Variants in FHAD1 observed in about 807,000 individuals in gnomAD.
The protein encoded by FHAD1 is forkhead associated phosphopeptide binding domain 1, also known as forkhead-associated domain-containing protein 1.
Under a neutral mutation model 191.3 loss-of-function variants are expected in FHAD1, and 146 were observed. The observed-to-expected ratio is 0.76, with a 90% CI of 0.67 to 0.88. FHAD1 has a LOEUF of 0.88. Among genes scored for constraint, FHAD1 ranks in the 40% least tolerant of loss-of-function variants. The pLI is 0.00. For missense variants in FHAD1, 1,635 were observed against 1,785.8 expected, an observed-to-expected ratio of 0.92 and a Z score of 1.52; for synonymous variants, 616 against 672.3, an observed-to-expected ratio of 0.92 and a Z score of 1.29.
At position 15,397,300 on chromosome 1, in the gene FHAD1, G is replaced by A; in HGVS notation, c.4327G>A (p.Gly1443Arg). The change falls in exon 34 of 34, where the codon GGA becomes AGA. Residue 1443 changes from glycine to arginine, a missense_variant. Transcript: ENST00000688493. ...TTTTTTCTCTTGCTTGTTAAAGGTT[G>A]GAACCAGAAAAGCCTCCCTAAAGAT... ...NRMQNSNSQVGTRKASLKMDQ... is the reference protein window; with the variant it reads ...NRMQNSNSQVRTRKASLKMDQ... 2 of 1,504,740 alleles carry A rather than the reference G, an allele frequency of 1.3e-6. No individual in the cohort carries two copies. The highest frequency in any genetic ancestry group is 1.8e-6 in the Non-Finnish European group (2 of 1,111,870). The allele number at this position is 1,504,740 out of a possible 1,614,324, so 93.2% of individuals were successfully genotyped here. A position where few individuals can be genotyped will look rare whatever the true frequency, so the allele number is the denominator to read the frequency against.
chr1:15,339,153 A>G (rs1426758223), intron 14 of FHAD1, among the ~76,000 whole-genome samples: 2 of 152,134 alleles, frequency 1.3e-5, no homozygotes, highest in East Asian at 3.8e-4. Context: ...AGTAGCTGGA[A>G]TTACAAACAT....
At chr1:15,392,531 G>GA (rs58747583) in intron 33 of FHAD1, among the ~76,000 whole-genome samples, 36 of 145,118 alleles carry the variant, frequency 2.5e-4, no homozygotes, top group Non-Finnish European at 2.6e-4. Context: ...ACTCCGTCTC[G>GA]AAAAAAAAAA....
At chr1:15,390,408 G>A (rs1433230324) in intron 32 of FHAD1, among the ~76,000 whole-genome samples, 4 of 150,704 alleles carry the variant, frequency 2.7e-5, no homozygotes, top group Non-Finnish European at 5.9e-5. Flanking sequence ...GCTTCTTTGG[G>A]AAACTTGGAT....
At chr1:15,390,075 G>A (rs1344978563) in intron 32 of FHAD1, among the ~76,000 whole-genome samples, 3 of 152,148 alleles carry the variant, frequency 2.0e-5, no homozygotes, top group African/African-American at 4.8e-5. Context: ...GCAGGGCATG[G>A]TGGCTCACGC....
In FHAD1 at chr1:15,316,072, C is replaced by T. The variant is rs1406430566; in HGVS notation, c.1171-306C>T. Among the ~76,000 whole-genome samples, 1 of 152,244 alleles carries T rather than the reference C, an allele frequency of 6.6e-6. No homozygotes were observed. The highest frequency in any genetic ancestry group is 6.5e-5 in the Admixed American group (1 of 15,292). Reference sequence around the variant, plus strand: ...TCGCTAGTGGCCCTCCAAGGACATCCGTGTTTATTCCTCAGCACAGACTCT... The same window carrying T: ...TCGCTAGTGGCCCTCCAAGGACATCTGTGTTTATTCCTCAGCACAGACTCT... On this transcript the variant is annotated intron_variant, in intron 8 of 33. Transcript: ENST00000688493. The surrounding 1 kb of genome is among the most constrained non-coding windows in gnomAD (Gnocchi z 4.3).
Position 15,397,441 on chromosome 1 carries a change from TG to T in FHAD1, c.*29del. 8.7e-7 allele frequency: 1 copy of T among 1,145,716 alleles called. No individual in the cohort carries two copies. The highest frequency in any genetic ancestry group is 1.2e-6 in the Non-Finnish European group (1 of 805,050). The allele number at this position is 1,145,716 out of a possible 1,614,324, so 71.0% of individuals were successfully genotyped here. A position where few individuals can be genotyped will look rare whatever the true frequency, so the allele number is the denominator to read the frequency against. On this transcript the variant is annotated 3_prime_UTR_variant, in exon 34 of 34. Transcript: ENST00000688493. ...AAACCTCGTCCCACCAGGCCTCATG[TG>T]ATCCTCTGTGAGTTCATGTGACTCT... is the stretch of plus-strand genomic sequence containing the variant.
In FHAD1 at chr1:15,301,557, G is replaced by A. The variant is rs953869823; in HGVS notation, c.915+116G>A. ...GGGAACGCGTGGTCAGTGGAGCATG[G>A]TGGTTAAGAACACAAATCCACAAGA... On this transcript the variant is annotated intron_variant, in intron 6 of 33. Transcript: ENST00000688493. The A allele has an allele frequency of 2.3e-5, 18 of 786,398 alleles. No homozygotes were observed. In the African/African-American group the frequency reaches 3.0e-4, roughly 13 times the overall value. 48.7% of individuals were successfully genotyped at this position (786,398 alleles called of 1,614,324 possible).
intron 7 of FHAD1, among the ~76,000 whole-genome samples, chr1:15,309,065 A>G (rs2101063364): frequency 6.6e-6 from 1 of 152,372 alleles, no homozygotes; most frequent in East Asian, 1.9e-4. Flanking sequence ...AGGCAGTCCC[A>G]TGAGCCAGTT....
At chr1:15,355,560 C>T (rs1692436064) in intron 20 of FHAD1, among the ~76,000 whole-genome samples, 1 of 152,216 alleles carries the variant, frequency 6.6e-6, no homozygotes, top group Non-Finnish European at 1.5e-5. Context: ...GCATGGTCTA[C>T]TCGTAAGCAG....
In FHAD1 at chr1:15,366,605, G is replaced by A. The variant is rs181499414; in HGVS notation, c.3154+672G>A. On this transcript the variant is annotated intron_variant, in intron 24 of 33. Transcript: ENST00000688493. Reference sequence around the variant, plus strand: ...CAGCAGGCCAGTTTGCACAAGCCCCGGCACTCACTAGCTTTGGGACCTAGG... The same window carrying A: ...CAGCAGGCCAGTTTGCACAAGCCCCAGCACTCACTAGCTTTGGGACCTAGG... Among the ~76,000 whole-genome samples the A allele has an allele frequency of 2.4e-4, 37 of 152,314 alleles. 1 individual carries two copies. Among genetic ancestry groups the A allele is most frequent in the Admixed American group, 1.4e-3 (21 of 15,302 alleles).
At chr1:15,379,186 A>T (rs1387157556) in intron 28 of FHAD1, among the ~76,000 whole-genome samples, 5 of 152,218 alleles carry the variant, frequency 3.3e-5, no homozygotes, top group African/African-American at 1.2e-4. Flanking sequence ...TTCCCTTAGT[A>T]TTTATTGATC....
chr1:15,279,944 C>G (rs1030133499), intron 3 of FHAD1, among the ~76,000 whole-genome samples: 3 of 152,136 alleles, frequency 2.0e-5, no homozygotes, highest in Non-Finnish European at 2.9e-5. Context: ...GCTGAGCCTC[C>G]GTAATGAGAT....
intron 10 of FHAD1, among the ~76,000 whole-genome samples, chr1:15,323,813 C>T (rs936290300): frequency 1.1e-4 from 16 of 152,326 alleles, no homozygotes; most frequent in South Asian, 4.1e-4. Flanking sequence ...CCACTTTAAA[C>T]GCCTTCTTTT....
chr1:15,271,073 A>G (rs190375676), intron 2 of FHAD1, among the ~76,000 whole-genome samples: 1 of 145,524 alleles, frequency 6.9e-6, no homozygotes, highest in East Asian at 2.2e-4. Context: ...CGGGAGGCAG[A>G]GCTTGCAGTG....
chr1:15,267,407 A>G lies in FHAD1; in HGVS notation c.94-4916A>G, dbSNP rs1164794328. On this transcript the variant is annotated intron_variant, in intron 2 of 33. Coordinates refer to ENST00000688493, the MANE Select transcript of FHAD1 (RefSeq NM_001391957.1). ...ATGTATATGGGAGATATTGGCTTCTAGTTTTCCTTTCTTGTAATGTCTTTA... is the reference window on the plus strand; with the variant it reads ...ATGTATATGGGAGATATTGGCTTCTGGTTTTCCTTTCTTGTAATGTCTTTA... Among the ~76,000 whole-genome samples, 3 of 152,166 alleles carry G rather than the reference A, an allele frequency of 2.0e-5. No individual in the cohort carries two copies. In the East Asian group the frequency reaches 5.8e-4, roughly 29 times the overall value.
intron 22 of FHAD1, among the ~76,000 whole-genome samples, chr1:15,361,420 T>G (rs1406390123): frequency 6.6e-6 from 1 of 151,948 alleles, no homozygotes; most frequent in Non-Finnish European, 1.5e-5. Context: ...CAATGTCCCC[T>G]AGAGGCAAAT....
chr1:15,391,349 TC>T (rs1379958413), intron 33 of FHAD1, 86 bp downstream of exon 33: 1 of 855,740 alleles, frequency 1.2e-6, no homozygotes, highest in Non-Finnish European at 1.7e-6. Flanking sequence ...GGAATCTCAC[TC>T]TGTTGCCCAG....
chr1:15,304,681 T>A (rs576549425), intron 6 of FHAD1, among the ~76,000 whole-genome samples: 2 of 152,270 alleles, frequency 1.3e-5, no homozygotes, highest in African/African-American at 4.8e-5. Context: ...GTTTCCGAAG[T>A]GGAGACCTGC....
chr1:15,251,802 G>C lies in FHAD1; in HGVS notation c.18G>C (p.Lys6Asn). The change falls in exon 2 of 34, where the codon AAG becomes AAC. Residue 6 changes from lysine (K) to asparagine (N), a missense_variant. By Grantham distance (94) the Lys-to-Asn change is moderately conservative. Coordinates refer to ENST00000688493, the MANE Select transcript of FHAD1 (RefSeq NM_001391957.1). MKAYL[K>N]SAEGFFVLNK... is the part of the protein sequence containing the mutation. ...CAGAGAGGATGAAGGCCTATCTAAA[G>C]AGCGCAGAAGGCTTTTTTGTCCTAA... The C allele has an allele frequency of 6.4e-7, 1 of 1,552,108 alleles. No homozygotes were observed. The highest frequency in any genetic ancestry group is 1.7e-4 in the Middle Eastern group (1 of 5,994).
Sources: allele counts gnomAD v4.1 joint callset (sites outside exome capture counted in the v4.1 genomes callset), GRCh38; gene constraint gnomAD v4.1.1; non-coding constraint Gnocchi (gnomAD v3.1); transcripts MANE v1.5; gene names NCBI Gene and HGNC (gene_info 2026-07-23, HGNC 2026-07-21).